The following LMF1 variants were observed in gnomAD, a reference collection of about 807,000 sequenced individuals.
The protein encoded by LMF1 is transmembrane protein 112.
LMF1 carries 68 observed loss-of-function variants against 60.6 expected under a neutral mutation model. The ratio of observed to expected loss-of-function variants is 1.12; its 90% CI spans 0.92 to 1.37. The LOEUF (loss-of-function observed/expected upper bound fraction) is 1.37. Ranked by LOEUF, LMF1 falls within the 40% of genes most tolerant of loss-of-function variation. The pLI, the probability that LMF1 is intolerant of heterozygous loss-of-function variation, is 0.00. For synonymous variants in LMF1, 418 were observed against 324.7 expected, an observed-to-expected ratio of 1.29 and a Z score of -3.09; for missense variants, 948 against 767.2, an observed-to-expected ratio of 1.24 and a Z score of -2.78.
At chr16:919,759 G>C (rs2071383154) in intron 3 of LMF1, among the ~76,000 whole-genome samples, 1 of 152,064 alleles carries the variant, frequency 6.6e-6, no homozygotes, top group Non-Finnish European at 1.5e-5. Flanking sequence ...CTGGGTTTCA[G>C]CTACATCATG....
At chr16:865,987 C>A (rs1596849891) in intron 10 of LMF1, among the ~76,000 whole-genome samples, 1 of 152,174 alleles carries the variant, frequency 6.6e-6, no homozygotes, top group East Asian at 1.9e-4. Flanking sequence ...CTTTAAAAAA[C>A]CGATTTCTTT....
At chr16:978,018 TCATA>T (rs1164665169) in intron 1 of LMF1, among the ~76,000 whole-genome samples, 5 of 72,708 alleles carry the variant, frequency 6.9e-5, no homozygotes, top group South Asian at 5.4e-4. Flanking sequence ...CACACACACA[TCATA>T]CACACGCACA....
At chr16:941,977 C>T (rs561402361) in intron 2 of LMF1, among the ~76,000 whole-genome samples, 1 of 152,338 alleles carries the variant, frequency 6.6e-6, no homozygotes, top group Admixed American at 6.5e-5. Flanking sequence ...CCTACCTTTA[C>T]CATGTCCAGT....
In LMF1 at chr16:954,641, A is replaced by G; in HGVS notation, c.219T>C (p.His73=). The change falls in exon 2 of 11, where the codon CAT becomes CAC. Residue 73 remains histidine, a synonymous_variant. Coordinates refer to ENST00000262301, the MANE Select transcript of LMF1 (RefSeq NM_022773.4). The stretch of plus-strand genomic sequence containing the variant: ...TGTCACCGATGAGCTGCTTGTTCTG[A>G]TGGAAAGCCACCAGGAATGCCACGA... The part of the protein sequence containing the change: ...VYFVAFLVAF[H]QNKQLIGDRG... The G allele has an allele frequency of 6.2e-7, 1 of 1,601,396 alleles. No individual in the cohort carries two copies. The highest frequency in any genetic ancestry group is 8.5e-7 in the Non-Finnish European group (1 of 1,171,878).
chr16:945,211 C>CAAAAAAAAAAAAAAAAA (rs60283096), intron 2 of LMF1, among the ~76,000 whole-genome samples: 1 of 79,010 alleles, frequency 1.3e-5, no homozygotes, highest in Non-Finnish European at 2.2e-5. Flanking sequence ...GACTCCATCT[C>CAAAAAAAAAAAAAAAAA]AAAAAAAAAA....
At chr16:977,216 G>C in intron 1 of LMF1, 1 of 407,552 alleles carries the variant, frequency 2.5e-6, no homozygotes, top group South Asian at 1.8e-5. Context: ...GGCCAGCCTT[G>C]ACCCAAACCG....
At chr16:968,789 C>A (rs1387863150) in intron 1 of LMF1, 1 of 152,188 alleles carries the variant, frequency 6.6e-6, no homozygotes, top group African/African-American at 2.4e-5. Flanking sequence ...ACAGAGAATC[C>A]CTGCGGAGAT....
chr16:858,441 C>T (rs201628420), intron 10 of LMF1, among the ~76,000 whole-genome samples: 3 of 17,166 alleles, frequency 1.7e-4, no homozygotes, highest in Non-Finnish European at 1.8e-4. Flanking sequence ...TGTCACGGGA[C>T]GGGTGTGAGT....
intron 1 of LMF1, among the ~76,000 whole-genome samples, chr16:958,819 G>A (rs1189812507): frequency 1.4e-4 from 21 of 152,094 alleles, no homozygotes; most frequent in African/African-American, 4.3e-4. Context: ...CCCAGGAGGC[G>A]GAGGTTGGAG....
chr16:944,116 T>C (rs1037557673), intron 2 of LMF1, among the ~76,000 whole-genome samples: 1 of 152,126 alleles, frequency 6.6e-6, no homozygotes, highest in Admixed American at 6.5e-5. Flanking sequence ...ATGTGGCCTT[T>C]CTGGGGGCAT....
chr16:977,991 C>CAT lies in LMF1; in HGVS notation c.-135+3153_-135+3154insAT, dbSNP rs56813960. ...ACACACACCCCACCACACACATACA[C>CAT]GCACACACACACACCACACACACAC... On this transcript the variant is annotated intron_variant, in intron 1 of 6. Transcript: ENST00000570014. 4.7e-3 allele frequency among the ~76,000 whole-genome samples: 613 copies of CAT among 130,886 alleles called. 20 individuals carry two copies. Among genetic ancestry groups the CAT allele is most frequent in the African/African-American group, 0.018 (565 of 32,170 alleles). 85.9% of individuals were successfully genotyped at this position (130,886 alleles called of 152,430 possible).
chr16:868,696 C>T (rs1173732794), intron 10 of LMF1, among the ~76,000 whole-genome samples: 1 of 150,476 alleles, frequency 6.6e-6, no homozygotes, highest in Admixed American at 6.7e-5. Flanking sequence ...TCCTGGGCTC[C>T]TCTCACCACG....
intron 3 of LMF1, among the ~76,000 whole-genome samples, chr16:913,506 C>T (rs959772478): frequency 6.6e-5 from 10 of 152,232 alleles, no homozygotes; most frequent in African/African-American, 2.2e-4. Context: ...GGCTCATTGC[C>T]GGCTGGATGC....
chr16:863,657 T>C (rs1184349500), intron 10 of LMF1, among the ~76,000 whole-genome samples: 1 of 152,228 alleles, frequency 6.6e-6, no homozygotes, highest in African/African-American at 2.4e-5. Context: ...TTGAGCTAGA[T>C]TATTATTATT....
intron 10 of LMF1, among the ~76,000 whole-genome samples, chr16:862,233 T>A (rs2069487202): frequency 6.6e-6 from 1 of 151,742 alleles, no homozygotes; most frequent in Non-Finnish European, 1.5e-5. Flanking sequence ...TGGAGTGCAG[T>A]GGCACCATCT....
intron 10 of LMF1, among the ~76,000 whole-genome samples, chr16:857,891 CA>C (rs1466770398): frequency 4.0e-4 from 20 of 49,876 alleles, no homozygotes; most frequent in Non-Finnish European, 3.1e-4. Flanking sequence ...GATGGGTGTG[CA>C]GTGGTGTCTC....
intron 3 of LMF1, among the ~76,000 whole-genome samples, chr16:911,929 T>C (rs1030176228): frequency 6.6e-6 from 1 of 152,132 alleles, no homozygotes; most frequent in African/African-American, 2.4e-5. Context: ...TTCTTCGCAC[T>C]GGAAACCCAG....
chr16:930,863 G>C (rs2071761499), intron 3 of LMF1, among the ~76,000 whole-genome samples: 1 of 152,226 alleles, frequency 6.6e-6, no homozygotes, highest in Admixed American at 6.5e-5. Flanking sequence ...GCTCATGCCT[G>C]TAATCCCAGC....
chr16:963,821 A>C (rs2072866459), intron 1 of LMF1, among the ~76,000 whole-genome samples: 1 of 150,114 alleles, frequency 6.7e-6, no homozygotes, highest in Admixed American at 6.6e-5. Flanking sequence ...AGGAAAAAGG[A>C]AGACAGACTG....
Sources: gnomAD v4.1 joint callset for allele counts (sites outside exome capture counted in the v4.1 genomes callset) on GRCh38, gnomAD v4.1.1 for gene constraint, MANE v1.5 for transcripts, NCBI Gene and HGNC (gene_info 2026-07-23, HGNC 2026-07-21) for gene names.